The following CDK17 variants were observed in gnomAD, a reference collection of about 807,000 sequenced individuals.
The protein encoded by CDK17 is cyclin dependent kinase 17.
CDK17 carries 24 observed loss-of-function variants against 77.6 expected under a neutral mutation model. The ratio of observed to expected loss-of-function variants is 0.31; its 90% CI spans 0.22 to 0.44. The LOEUF (loss-of-function observed/expected upper bound fraction) is 0.44, where lower values mean the gene tolerates loss of function less well. CDK17 is among the 20% of genes least tolerant of loss of function. CDK17 has a pLI of 1.00. For missense variants in CDK17, 429 were observed against 622.5 expected (o/e 0.69, Z 3.31); for synonymous variants, 203 against 210.4 (o/e 0.96, Z 0.30).
intron 1 of CDK17, among the ~76,000 whole-genome samples, chr12:96,338,771 G>GTT (rs34576077): frequency 5.5e-5 from 8 of 146,518 alleles, no homozygotes; most frequent in East Asian, 2.0e-4. Flanking sequence ...AGCCACTAAG[G>GTT]TTTTTTTTTT....
At chr12:96,346,458 T>G (rs201148224) in intron 1 of CDK17, among the ~76,000 whole-genome samples, 1 of 3,334 alleles carries the variant, frequency 3.0e-4, no homozygotes, top group Non-Finnish European at 7.8e-4. Flanking sequence ...TCTCAAAAAA[T>G]AAATAAATAA....
intron 8 of CDK17, 53 bp from the exon 9 acceptor site, chr12:96,297,385 A>T: frequency 1.7e-6 from 2 of 1,177,282 alleles, no homozygotes; most frequent in Non-Finnish European, 2.5e-6. Context: ...GAATGTTGTG[A>T]CTGGTTCACT....
intron 1 of CDK17, among the ~76,000 whole-genome samples, chr12:96,343,994 G>A (rs762854101): frequency 3.3e-5 from 5 of 152,154 alleles, no homozygotes; most frequent in Non-Finnish European, 7.3e-5. Flanking sequence ...TCAGTAAAGA[G>A]ACTGAAATTA....
chr12:96,306,412 T>G (rs1952577639), intron 5 of CDK17, among the ~76,000 whole-genome samples: 1 of 139,658 alleles, frequency 7.2e-6, no homozygotes, highest in Admixed American at 7.0e-5. Flanking sequence ...ACAAATAATT[T>G]GTACAAAAAA....
At chr12:96,345,012 T>C (rs1953181649) in intron 1 of CDK17, among the ~76,000 whole-genome samples, 1 of 152,184 alleles carries the variant, frequency 6.6e-6, no homozygotes, top group Non-Finnish European at 1.5e-5. Flanking sequence ...AGTTAAGTGT[T>C]GTTTCCCTCC....
At chr12:96,394,964 C>T (rs1463481482) in intron 1 of CDK17, among the ~76,000 whole-genome samples, 1 of 151,758 alleles carries the variant, frequency 6.6e-6, no homozygotes, top group Non-Finnish European at 1.5e-5. Context: ...CAACCTCTGC[C>T]TCCCAAGTTC....
At chr12:96,351,861 G>A (rs753773096) in intron 1 of CDK17, among the ~76,000 whole-genome samples, 3 of 152,060 alleles carry the variant, frequency 2.0e-5, no homozygotes, top group African/African-American at 4.8e-5. Context: ...CAGGATTAGC[G>A]CTTTATGGTT....
chr12:96,312,283 C>A (rs1219466197), intron 4 of CDK17, among the ~76,000 whole-genome samples: 1 of 151,818 alleles, frequency 6.6e-6, no homozygotes, highest in African/African-American at 2.4e-5. Context: ...TCTCATAAAC[C>A]AGAAAAAAAT....
intron 1 of CDK17, among the ~76,000 whole-genome samples, chr12:96,351,311 G>T (rs1424576949): frequency 1.6e-5 from 1 of 62,052 alleles, no homozygotes. Flanking sequence ...TACTCCTAGG[G>T]ATATACCAAA....
intron 1 of CDK17, among the ~76,000 whole-genome samples, chr12:96,359,236 A>G (rs569375407): frequency 6.6e-6 from 1 of 152,352 alleles, no homozygotes; most frequent in African/African-American, 2.4e-5. Context: ...AAACATGAAG[A>G]TACATACACC....
In CDK17 at chr12:96,400,176, G is replaced by C. The variant is rs1455226911; in HGVS notation, c.-220C>G. The C allele has an allele frequency of 2.5e-6, 1 of 394,578 alleles. No individual in the cohort carries two copies. The highest frequency in any genetic ancestry group is 4.5e-6 in the Non-Finnish European group (1 of 223,458). 24.4% of individuals were successfully genotyped at this position (394,578 alleles called of 1,614,324 possible). A position where few individuals can be genotyped will look rare whatever the true frequency, so the allele number is the denominator to read the frequency against. Reference sequence around the variant, plus strand: ...TCTCGCCGCGGGTCCGGAGCCTCGGGAGGGGCCGCGGGTGTCTCACGCGTT... The same window carrying C: ...TCTCGCCGCGGGTCCGGAGCCTCGGCAGGGGCCGCGGGTGTCTCACGCGTT... On this transcript the variant is annotated 5_prime_UTR_variant, in exon 1 of 17. Coordinates refer to ENST00000261211, the MANE Select transcript of CDK17 (RefSeq NM_002595.5).
intron 3 of CDK17, among the ~76,000 whole-genome samples, chr12:96,316,679 AC>A (rs1168145268): frequency 7.9e-6 from 1 of 126,472 alleles, no homozygotes; most frequent in African/African-American, 3.0e-5. Flanking sequence ...ACTGTGAGGC[AC>A]CCCCCAGCAG....
In CDK17 at chr12:96,294,584, C is replaced by CAAAAAAAAAAA. The variant is rs11313631; in HGVS notation, c.997+404_997+414dup. ...GGCTTTAACAGCAAAATGCTGTCTT[C>CAAAAAAAAAAA]AAAAAAAAAAAAAAAAAAAAAAAAA... On this transcript the variant is annotated intron_variant, in intron 10 of 16. Coordinates refer to ENST00000261211, the MANE Select transcript of CDK17 (RefSeq NM_002595.5). Among the ~76,000 whole-genome samples, 34 of 54,346 alleles carry CAAAAAAAAAAA rather than the reference C, an allele frequency of 6.3e-4. 1 individual carries two copies. Among genetic ancestry groups the CAAAAAAAAAAA allele is most frequent in the South Asian group, 1.8e-3 (2 of 1,082 alleles). 35.7% of individuals were successfully genotyped at this position (54,346 alleles called of 152,430 possible).
At chr12:96,357,484 G>A (rs1229737003) in intron 1 of CDK17, among the ~76,000 whole-genome samples, 1 of 152,068 alleles carries the variant, frequency 6.6e-6, no homozygotes, top group African/African-American at 2.4e-5. Context: ...CAGGAGAGAC[G>A]AGAAGGCAAT....
intron 1 of CDK17, among the ~76,000 whole-genome samples, chr12:96,341,789 G>C (rs1953126144): frequency 6.6e-6 from 1 of 152,110 alleles, no homozygotes; most frequent in African/African-American, 2.4e-5. Flanking sequence ...GTCTTTACTT[G>C]TAAAAATGGT....
chr12:96,395,952 C>G (rs1954161256), intron 1 of CDK17, among the ~76,000 whole-genome samples: 1 of 152,086 alleles, frequency 6.6e-6, no homozygotes, highest in African/African-American at 2.4e-5. Flanking sequence ...TAAGCCACCT[C>G]AATGTATGGT....
intron 5 of CDK17, among the ~76,000 whole-genome samples, chr12:96,307,847 C>A (rs779550406): frequency 6.6e-6 from 1 of 151,944 alleles, no homozygotes; most frequent in East Asian, 1.9e-4. Context: ...CCTGCCTGGA[C>A]GACAAAGTGA....
intron 1 of CDK17, among the ~76,000 whole-genome samples, chr12:96,350,049 GA>G (rs542084966): frequency 6.6e-6 from 1 of 151,964 alleles, no homozygotes; most frequent in South Asian, 2.1e-4. Context: ...AAATACTTAG[GA>G]ATAAATTTAA....
rs538059980 is a variant in CDK17, at chr12:96,333,059, T to C, written c.118+1660A>G. ...CCACTAAGATATATACTGTGTTTATTTTATTCCTGATCATCATTGGCAAAC... is the reference window on the plus strand; with the variant it reads ...CCACTAAGATATATACTGTGTTTATCTTATTCCTGATCATCATTGGCAAAC... On this transcript the variant is annotated intron_variant, in intron 2 of 16. Transcript: ENST00000261211. 1.2e-4 allele frequency among the ~76,000 whole-genome samples: 19 copies of C among 152,270 alleles called. No homozygotes were observed. In the East Asian group the frequency reaches 1.5e-3, roughly 12 times the overall value.
Sources: gnomAD v4.1 joint callset for allele counts (sites outside exome capture counted in the v4.1 genomes callset) on GRCh38, gnomAD v4.1.1 for gene constraint, MANE v1.5 for transcripts, NCBI Gene and HGNC (gene_info 2026-07-23, HGNC 2026-07-21) for gene names.